The following STMN2 variants were observed in gnomAD, a reference collection of about 807,000 sequenced individuals.
STMN2 encodes stathmin 2, also known as stathmin-2.
Under a neutral mutation model 24.1 loss-of-function variants are expected in STMN2, and 2 were observed. That is an observed-to-expected ratio of 0.08 (90% CI 0.03 to 0.26). The LOEUF is 0.26. Among genes scored for constraint, STMN2 ranks in the 10% least tolerant of loss-of-function variants. The pLI is 1.00. For missense variants in STMN2, 114 were observed against 213.6 expected (o/e 0.53, Z 2.91); for synonymous variants, 83 against 77.5 (o/e 1.07, Z -0.37).
At chr8:79,641,616 G>T in intron 3 of STMN2, 66 bp downstream of exon 3, 12 of 880,556 alleles carry the variant, frequency 1.4e-5, no homozygotes, top group Admixed American at 2.5e-5. Context: ...ACACACTCGG[G>T]CACACATGCA....
chr8:79,636,053 C>T (rs750827983), intron 1 of STMN2, among the ~76,000 whole-genome samples: 14 of 151,912 alleles, frequency 9.2e-5, no homozygotes, highest in Non-Finnish European at 1.5e-4. Context: ...TCTGTCTGTA[C>T]AAAAAATACA....
intron 3 of STMN2, among the ~76,000 whole-genome samples, chr8:79,652,984 T>C (rs1026659545): frequency 6.6e-6 from 1 of 152,112 alleles, no homozygotes; most frequent in Non-Finnish European, 1.5e-5. Flanking sequence ...AAAGGCTCCA[T>C]TGGAGTTTGA....
intron 2 of STMN2, among the ~76,000 whole-genome samples, chr8:79,638,337 T>C (rs1183862947): frequency 6.6e-6 from 1 of 152,216 alleles, no homozygotes; most frequent in Non-Finnish European, 1.5e-5. Flanking sequence ...TATGTGAAGT[T>C]ATGTGTGAGC....
At chr8:79,635,182 G>A (rs1046063389) in intron 1 of STMN2, among the ~76,000 whole-genome samples, 4 of 152,156 alleles carry the variant, frequency 2.6e-5, no homozygotes, top group Non-Finnish European at 5.9e-5. Context: ...GAAAAAATGA[G>A]AAAATGAAAT....
At chr8:79,640,562 G>A (rs12679238) in intron 2 of STMN2, among the ~76,000 whole-genome samples, 52,724 of 152,056 alleles carry the variant, frequency 0.35, 9,290 homozygotes, top group South Asian at 0.41. Context: ...GGCTCCAGCC[G>A]AGTACACTAG....
rs74790928 is a variant in STMN2 at position 79,618,150 on chromosome 8, G to T, written c.19+6936G>T. ...ATTTTATTTAAACAGACCAGAGATG[G>T]TCTTCTCCTTTCTGATCACAGACTC... On this transcript the variant is annotated intron_variant, in intron 1 of 4. Coordinates refer to ENST00000220876, the MANE Select transcript of STMN2 (RefSeq NM_007029.4). Among the ~76,000 whole-genome samples the T allele has an allele frequency of 5.3e-5, 8 of 152,296 alleles. No homozygotes were observed. The East Asian group carries it at 1.5e-3, about 29-fold the overall frequency.
intron 2 of STMN2, among the ~76,000 whole-genome samples, chr8:79,637,485 A>G (rs1809993607): frequency 6.6e-6 from 1 of 152,232 alleles, no homozygotes; most frequent in Non-Finnish European, 1.5e-5. Context: ...GGTTTGATTT[A>G]TCCTGATTCA....
chr8:79,616,052 A>G (rs1809375145), intron 1 of STMN2, among the ~76,000 whole-genome samples: 2 of 152,246 alleles, frequency 1.3e-5, no homozygotes, highest in South Asian at 2.1e-4. Context: ...CCCCCTGTTC[A>G]GAGCACATCT....
chr8:79,656,884 G>GTTTTTTTTTTTTTT (rs71266026), intron 4 of STMN2, among the ~76,000 whole-genome samples: 58 of 150,292 alleles, frequency 3.9e-4, no homozygotes, highest in Non-Finnish European at 6.9e-4. Context: ...TTGTTTGTTT[G>GTTTTTTTTTTTTTT]TTTTTTTGAG....
At chr8:79,660,494 C>A (rs987790593) in intron 4 of STMN2, among the ~76,000 whole-genome samples, 6 of 152,134 alleles carry the variant, frequency 3.9e-5, no homozygotes, top group Non-Finnish European at 7.4e-5. Context: ...TTCATCATTT[C>A]ACTTCTAATA....
intron 2 of STMN2, among the ~76,000 whole-genome samples, chr8:79,639,300 G>C (rs1196062484): frequency 6.6e-6 from 1 of 152,202 alleles, no homozygotes; most frequent in East Asian, 1.9e-4. Context: ...TGTTTAGCCT[G>C]GGGGAACAAC....
chr8:79,634,352 C>A (rs1009882170), intron 1 of STMN2, among the ~76,000 whole-genome samples: 6 of 152,192 alleles, frequency 3.9e-5, no homozygotes, highest in African/African-American at 1.2e-4. Context: ...TTTGGTTTAG[C>A]CTTCTAAAAT....
At chr8:79,614,027 T>A (rs899059748) in intron 1 of STMN2, among the ~76,000 whole-genome samples, 1 of 152,150 alleles carries the variant, frequency 6.6e-6, no homozygotes. Context: ...AAATTTTAAG[T>A]TTTTTCCCCT....
chr8:79,660,971 A>C (rs1438666584), intron 4 of STMN2, among the ~76,000 whole-genome samples: 3 of 152,120 alleles, frequency 2.0e-5, no homozygotes, highest in African/African-American at 7.2e-5. Context: ...GCTGCAAAAG[A>C]CACTATTTAG....
chr8:79,654,884 A>G lies in STMN2; in HGVS notation c.302A>G (p.Gln101Arg). The G allele has an allele frequency of 1.2e-6, 2 of 1,612,612 alleles. No homozygotes were observed. Among genetic ancestry groups the G allele is most frequent in the Non-Finnish European group, 8.5e-7 (1 of 1,178,918 alleles). ...TTTCTTCCCCAGTCTCAGGAGGCCC[A>G]GGTGCTGAAACAATTGGCAGAGAAG... The part of the protein sequence containing the change: ...AEERRKSQEA[Q>R]VLKQLAEKRE... The change falls in exon 4 of 5, where the codon CAG becomes CGG. Residue 101 changes from glutamine (Q) to arginine (R), a missense_variant. By Grantham distance (43) the Gln-to-Arg change is conservative. Transcript: ENST00000220876.
chr8:79,616,490 C>T (rs1310115233), intron 1 of STMN2, among the ~76,000 whole-genome samples: 2 of 152,136 alleles, frequency 1.3e-5, no homozygotes, highest in African/African-American at 4.8e-5. Context: ...CTTTGATGTG[C>T]ATATGAATTA....
intron 1 of STMN2, among the ~76,000 whole-genome samples, chr8:79,621,951 A>G (rs1428294855): frequency 6.6e-6 from 1 of 152,232 alleles, no homozygotes; most frequent in African/African-American, 2.4e-5. Context: ...AAGTTAAAAC[A>G]GAAGTGTAAA....
chr8:79,632,403 T>C (rs1293169152), intron 1 of STMN2, among the ~76,000 whole-genome samples: 1 of 152,058 alleles, frequency 6.6e-6, no homozygotes, highest in Non-Finnish European at 1.5e-5. Context: ...TTAAATTGAG[T>C]ATTTGGGACT....
At chr8:79,643,212 T>C (rs1810148118) in intron 3 of STMN2, among the ~76,000 whole-genome samples, 1 of 144,116 alleles carries the variant, frequency 6.9e-6, no homozygotes, top group Non-Finnish European at 1.5e-5. Flanking sequence ...AACAGGAACC[T>C]GAGCTACTAA....
Sources: gnomAD v4.1 joint callset for allele counts (sites outside exome capture counted in the v4.1 genomes callset) on GRCh38, gnomAD v4.1.1 for gene constraint, MANE v1.5 for transcripts, NCBI Gene and HGNC (gene_info 2026-07-23, HGNC 2026-07-21) for gene names.